PLEKHG1: variants seen among roughly 807,000 people sequenced by gnomAD.
PLEKHG1 encodes pleckstrin homology domain-containing family G member 1.
In PLEKHG1, 44 loss-of-function variants were observed where a neutral mutation model predicts 100.8. That is an observed-to-expected ratio of 0.44 (90% confidence interval 0.34 to 0.56). PLEKHG1 has a LOEUF of 0.56. Among genes scored for constraint, PLEKHG1 ranks in the 20% least tolerant of loss-of-function variants. The pLI is 0.01. For synonymous variants in PLEKHG1, 640 were observed against 662.5 expected, an observed-to-expected ratio of 0.97 and a Z score of 0.52; for missense variants, 1,545 against 1,720.9, an observed-to-expected ratio of 0.90 and a Z score of 1.81.
chr6:150,755,736 G>A (rs1783800833), intron 2 of PLEKHG1, among the ~76,000 whole-genome samples: 1 of 152,150 alleles, frequency 6.6e-6, no homozygotes, highest in South Asian at 2.1e-4. Flanking sequence ...AGGCCGATGT[G>A]TTTCCCACCT....
At chr6:150,603,193 G>A (rs1776441031) in intron 1 of PLEKHG1, among the ~76,000 whole-genome samples, 1 of 152,108 alleles carries the variant, frequency 6.6e-6, no homozygotes, top group Admixed American at 6.5e-5. Flanking sequence ...GGCAGGGATG[G>A]GAAGGAAAAC....
chr6:150,804,100 T>G (rs1353197572), intron 6 of PLEKHG1, among the ~76,000 whole-genome samples: 1 of 142,826 alleles, frequency 7.0e-6, no homozygotes, highest in Non-Finnish European at 1.5e-5. Flanking sequence ...TACCATTTTG[T>G]TGCAGGTATC....
chr6:150,802,898 G>C (rs1786797476), intron 6 of PLEKHG1, among the ~76,000 whole-genome samples: 1 of 152,036 alleles, frequency 6.6e-6, no homozygotes, highest in African/African-American at 2.4e-5. Flanking sequence ...TTGACCCCAT[G>C]ATCCACCCAC....
intron 3 of PLEKHG1, among the ~76,000 whole-genome samples, chr6:150,653,467 G>A (rs1237157719): frequency 6.6e-6 from 1 of 152,110 alleles, no homozygotes; most frequent in Non-Finnish European, 1.5e-5. Context: ...AACAGGCTGG[G>A]CGCAGTGGCT....
At chr6:150,725,645 G>A (rs1483079663) in intron 1 of PLEKHG1, among the ~76,000 whole-genome samples, 1 of 152,086 alleles carries the variant, frequency 6.6e-6, no homozygotes, top group Non-Finnish European at 1.5e-5. Context: ...TTTCTAGTTT[G>A]ATGTAGTCTC....
chr6:150,812,923 T>G (rs1042912421), intron 10 of PLEKHG1, among the ~76,000 whole-genome samples: 7 of 152,036 alleles, frequency 4.6e-5, no homozygotes, highest in Non-Finnish European at 1.0e-4. Context: ...GACAAAGGGT[T>G]CGATTTCACT....
intron 3 of PLEKHG1, among the ~76,000 whole-genome samples, chr6:150,714,814 T>G (rs1393183444): frequency 1.3e-5 from 2 of 150,556 alleles, no homozygotes; most frequent in African/African-American, 4.9e-5. Flanking sequence ...TGACAGAATT[T>G]TTTTCTTTTT....
intron 3 of PLEKHG1, among the ~76,000 whole-genome samples, chr6:150,669,041 G>A (rs1562423975): frequency 6.6e-6 from 1 of 151,912 alleles, no homozygotes; most frequent in Non-Finnish European, 1.5e-5. Context: ...GCCTTTTTTT[G>A]CAGGCTTTTC....
intron 4 of PLEKHG1, among the ~76,000 whole-genome samples, chr6:150,791,591 A>AC (rs1222652365): frequency 6.6e-6 from 1 of 151,462 alleles, no homozygotes; most frequent in African/African-American, 2.4e-5. Context: ...AATTGTTTGA[A>AC]CCCGGGAAGC....
At chr6:150,833,177 G>A (rs1018217144) in intron 15 of PLEKHG1, among the ~76,000 whole-genome samples, 2 of 151,754 alleles carry the variant, frequency 1.3e-5, no homozygotes, top group African/African-American at 4.8e-5. Flanking sequence ...CTAGTAGCTG[G>A]GACTACAGGT....
intron 2 of PLEKHG1, among the ~76,000 whole-genome samples, chr6:150,742,715 A>C (rs182279901): frequency 6.6e-6 from 1 of 152,264 alleles, no homozygotes; most frequent in East Asian, 1.9e-4. Flanking sequence ...GGGGAATTAC[A>C]TTTCAATATG....
At chr6:150,716,163 A>G (rs1208970515), upstream of PLEKHG1, among the ~76,000 whole-genome samples, 2 of 152,036 alleles carry the variant, frequency 1.3e-5, no homozygotes, top group African/African-American at 4.8e-5. Context: ...TTTCAAAGAA[A>G]AAACTTCTAA....
chr6:150,678,063 C>CATACATATATATATAT (rs1779818418), intron 3 of PLEKHG1, among the ~76,000 whole-genome samples: 2 of 60,120 alleles, frequency 3.3e-5, no homozygotes, highest in Non-Finnish European at 6.2e-5. Context: ...TGTTTTGATG[C>CATACATATATATATAT]ATATATATAT....
chr6:150,783,450 A>G (rs1056926027), intron 3 of PLEKHG1, among the ~76,000 whole-genome samples: 5 of 151,546 alleles, frequency 3.3e-5, no homozygotes, highest in Admixed American at 6.6e-5. Flanking sequence ...GCTCACTGCA[A>G]TCTCTGCCTC....
chr6:150,794,326 T>A (rs1339563079), intron 4 of PLEKHG1, among the ~76,000 whole-genome samples: 1 of 152,178 alleles, frequency 6.6e-6, no homozygotes, highest in East Asian at 1.9e-4. Flanking sequence ...TGAAACTTCA[T>A]GATGTTATTG....
intron 2 of PLEKHG1, among the ~76,000 whole-genome samples, chr6:150,756,426 C>T (rs1783842914): frequency 1.3e-5 from 2 of 152,114 alleles, no homozygotes; most frequent in Admixed American, 1.3e-4. Context: ...GTTTTTGATA[C>T]AATGAGCGGA....
At chr6:150,629,276 C>T (rs1283765563) in intron 1 of PLEKHG1, among the ~76,000 whole-genome samples, 1 of 152,116 alleles carries the variant, frequency 6.6e-6, no homozygotes, top group Non-Finnish European at 1.5e-5. Context: ...AGAAATAAAC[C>T]TTTCTGGACA....
chr6:150,748,758 A>G (rs896575638), intron 2 of PLEKHG1, among the ~76,000 whole-genome samples: 3 of 151,290 alleles, frequency 2.0e-5, no homozygotes, highest in African/African-American at 7.3e-5. Flanking sequence ...AGTAGCTGGG[A>G]TTACAGACGC....
At chr6:150,633,663 A>T (rs1419541667) in intron 1 of PLEKHG1, among the ~76,000 whole-genome samples, 1 of 152,150 alleles carries the variant, frequency 6.6e-6, no homozygotes, top group Non-Finnish European at 1.5e-5. Context: ...GGGGTCAGAG[A>T]TGAGGAAGGA....
Sources: gnomAD v4.1 joint callset for allele counts (sites outside exome capture counted in the v4.1 genomes callset) on GRCh38, gnomAD v4.1.1 for gene constraint, MANE v1.5 for transcripts, NCBI Gene and HGNC (gene_info 2026-07-23, HGNC 2026-07-21) for gene names.